The following MED12L variants were observed in gnomAD, a reference collection of about 807,000 sequenced individuals.
The protein encoded by MED12L is mediator complex subunit 12L, also known as mediator of RNA polymerase II transcription subunit 12-like protein.
A neutral mutation model predicts 281.3 loss-of-function variants in MED12L; 60 were observed. The observed-to-expected ratio is 0.21, with a 90% confidence interval of 0.17 to 0.26. The LOEUF (loss-of-function observed/expected upper bound fraction) is 0.26, where lower values mean the gene tolerates loss of function less well. MED12L is among the 10% of genes least tolerant of loss of function. The pLI, the probability that MED12L is intolerant of heterozygous loss-of-function variation, is 1.00. For missense variants in MED12L, 2,146 were observed against 2,680.9 expected, an observed-to-expected ratio of 0.80 and a Z score of 4.41; for synonymous variants, 974 against 987.2, an observed-to-expected ratio of 0.99 and a Z score of 0.25.
chr3:151,290,009 A>G (rs556539837), intron 16 of MED12L, among the ~76,000 whole-genome samples: 1 of 151,932 alleles, frequency 6.6e-6, no homozygotes, highest in Non-Finnish European at 1.5e-5. Flanking sequence ...TTCTGCTTCA[A>G]CCTCCTGAGT....
chr3:151,373,358 T>C (rs907319485), intron 27 of MED12L, among the ~76,000 whole-genome samples: 8 of 152,184 alleles, frequency 5.3e-5, no homozygotes, highest in Non-Finnish European at 7.4e-5. Context: ...TTAAGATGTT[T>C]CCATTGTATA....
chr3:151,129,354 AAAAG>A (rs1715013291), intron 5 of MED12L, among the ~76,000 whole-genome samples: 1 of 152,202 alleles, frequency 6.6e-6, no homozygotes, highest in East Asian at 1.9e-4. Flanking sequence ...GAAATAAGCA[AAAAG>A]AAACTGTATT....
At chr3:151,345,517 C>CTTTTTTTTTT (rs201731496) in intron 16 of MED12L, among the ~76,000 whole-genome samples, 1 of 131,652 alleles carries the variant, frequency 7.6e-6, no homozygotes, top group Non-Finnish European at 1.6e-5. Context: ...TTTTCTTTTT[C>CTTTTTTTTTT]TTTTTTTTTT....
intron 16 of MED12L, among the ~76,000 whole-genome samples, chr3:151,196,542 A>G (rs971984765): frequency 1.6e-4 from 24 of 152,222 alleles, no homozygotes; most frequent in Non-Finnish European, 2.5e-4. Context: ...TCAGAAAAAC[A>G]GTTTCATGAT....
intron 43 of MED12L, among the ~76,000 whole-genome samples, chr3:151,429,449 AGAG>A (rs1560155281): frequency 6.6e-6 from 1 of 152,192 alleles, no homozygotes; most frequent in Non-Finnish European, 1.5e-5. Flanking sequence ...GACCAGGAGG[AGAG>A]AAGAGGGTTG....
chr3:151,362,789 A>C (rs1216563311), intron 21 of MED12L, among the ~76,000 whole-genome samples: 1 of 152,210 alleles, frequency 6.6e-6, no homozygotes, highest in Non-Finnish European at 1.5e-5. Context: ...AAGTGTGAAA[A>C]TATGAAATGG....
intron 2 of MED12L, among the ~76,000 whole-genome samples, chr3:151,107,316 A>G (rs998587084): frequency 6.6e-6 from 1 of 152,252 alleles, no homozygotes; most frequent in East Asian, 1.9e-4. Flanking sequence ...GTTAACTCCT[A>G]CTTTGCAGTC....
At chr3:151,276,935 C>T (rs1215240510) in intron 16 of MED12L, among the ~76,000 whole-genome samples, 2 of 152,136 alleles carry the variant, frequency 1.3e-5, no homozygotes, top group African/African-American at 2.4e-5. Context: ...CTCACTCTCT[C>T]GCCCAGACTG....
At position 151,117,917 on chromosome 3, in the gene MED12L, C is replaced by G. The variant is rs1169011911; in HGVS notation, c.204+1475C>G. ...ACCAGCCTGGCCAACATGGTGAAACCCTGTCTCTACTAAAAATATAAAAAT... is the reference window on the plus strand; with the variant it reads ...ACCAGCCTGGCCAACATGGTGAAACGCTGTCTCTACTAAAAATATAAAAAT... On this transcript the variant is annotated intron_variant, in intron 3 of 44. Coordinates refer to ENST00000687756, the MANE Select transcript of MED12L (RefSeq NM_001393769.1). Among the ~76,000 whole-genome samples, 3 of 151,742 alleles carry G rather than the reference C, an allele frequency of 2.0e-5. No individual in the cohort carries two copies. In the East Asian group the frequency reaches 5.8e-4, roughly 29 times the overall value.
chr3:151,108,589 G>A (rs980928901), intron 2 of MED12L, among the ~76,000 whole-genome samples: 6 of 152,154 alleles, frequency 3.9e-5, no homozygotes, highest in Admixed American at 1.3e-4. Context: ...TAAGACTTGA[G>A]CTAACTCAGC....
At chr3:151,431,063 T>C (rs536153947) in intron 44 of MED12L, among the ~76,000 whole-genome samples, 2 of 152,258 alleles carry the variant, frequency 1.3e-5, no homozygotes, top group South Asian at 4.1e-4. Context: ...TGGGCGGGTG[T>C]CATAGGACGG....
At chr3:151,402,276 A>G (rs1715784371) in intron 39 of MED12L, among the ~76,000 whole-genome samples, 1 of 152,206 alleles carries the variant, frequency 6.6e-6, no homozygotes, top group South Asian at 2.1e-4. Flanking sequence ...TTGAATATAT[A>G]AATGATTTAG....
intron 43 of MED12L, among the ~76,000 whole-genome samples, chr3:151,422,853 A>G (rs1718419607): frequency 6.7e-6 from 1 of 148,506 alleles, no homozygotes; most frequent in South Asian, 2.1e-4. Flanking sequence ...AAGAAATTGA[A>G]TGTTAATTTT....
In MED12L at chr3:151,313,673, G is replaced by A. The variant is rs376190482; in HGVS notation, c.2251-36386G>A. Among the ~76,000 whole-genome samples the A allele has an allele frequency of 4.1e-4, 62 of 152,146 alleles. No individual in the cohort carries two copies. In the East Asian group the frequency reaches 5.6e-3, roughly 14 times the overall value. ...ATCCTGGCCAACATGGTGAAACCCCGTCTCTACTAAAAATACAAAAATTAG... is the reference window on the plus strand; with the variant it reads ...ATCCTGGCCAACATGGTGAAACCCCATCTCTACTAAAAATACAAAAATTAG... On this transcript the variant is annotated intron_variant, in intron 16 of 44. Coordinates refer to ENST00000687756, the MANE Select transcript of MED12L (RefSeq NM_001393769.1).
intron 5 of MED12L, among the ~76,000 whole-genome samples, chr3:151,141,477 G>A (rs1271526764): frequency 6.6e-6 from 1 of 152,164 alleles, no homozygotes; most frequent in African/African-American, 2.4e-5. Context: ...CTGTTTGTCT[G>A]TAAGGGGATA....
chr3:151,125,229 T>G (rs1287521565), intron 4 of MED12L, among the ~76,000 whole-genome samples: 1 of 152,218 alleles, frequency 6.6e-6, no homozygotes, highest in Non-Finnish European at 1.5e-5. Flanking sequence ...AACTGTAGAT[T>G]TGACAAAATT....
intron 39 of MED12L, among the ~76,000 whole-genome samples, chr3:151,404,241 T>C (rs1716031988): frequency 6.6e-6 from 1 of 152,166 alleles, no homozygotes; most frequent in South Asian, 2.1e-4. Flanking sequence ...ATATTCTGCT[T>C]TCTTAGGAAG....
chr3:151,232,352 T>G (rs1361678352), intron 16 of MED12L, among the ~76,000 whole-genome samples: 1 of 152,216 alleles, frequency 6.6e-6, no homozygotes, highest in Non-Finnish European at 1.5e-5. Flanking sequence ...TGCCAGCATC[T>G]GTTATTTTTT....
chr3:151,269,514 A>G (rs574479386), intron 16 of MED12L: 2 of 292,074 alleles, frequency 6.8e-6, no homozygotes, highest in Non-Finnish European at 1.3e-5. Context: ...AAATTCTGCC[A>G]ACCATTTTTT....
Sources: allele counts gnomAD v4.1 joint callset (sites outside exome capture counted in the v4.1 genomes callset), GRCh38; gene constraint gnomAD v4.1.1; transcripts MANE v1.5; gene names NCBI Gene and HGNC (gene_info 2026-07-23, HGNC 2026-07-21).